Variants in ARHGEF28 observed in about 807,000 individuals in gnomAD.
The protein encoded by ARHGEF28 is Rho guanine nucleotide exchange factor 28.
In ARHGEF28, 152 loss-of-function variants were observed where a neutral mutation model predicts 206.6. The ratio of observed to expected loss-of-function variants is 0.74; its 90% CI spans 0.64 to 0.84. The LOEUF is 0.84. Among genes scored for constraint, ARHGEF28 ranks in the 40% least tolerant of loss-of-function variants. The pLI, the probability that ARHGEF28 is intolerant of heterozygous loss-of-function variation, is 0.00. For missense variants in ARHGEF28, 2,028 were observed against 2,073.2 expected (o/e 0.98, Z 0.42); for synonymous variants, 763 against 776.4 (o/e 0.98, Z 0.29).
intron 1 of ARHGEF28, among the ~76,000 whole-genome samples, chr5:73,627,709 A>G (rs1743093591): frequency 6.6e-6 from 1 of 152,204 alleles, no homozygotes. Context: ...TGTGGACTCT[A>G]TATGTGATTA....
chr5:73,937,335 C>CAA (rs10640514), intron 35 of ARHGEF28, among the ~76,000 whole-genome samples: 1,739 of 152,254 alleles, frequency 0.011, 34 homozygotes, highest in African/African-American at 0.039. Context: ...AGTTTGTGAA[C>CAA]AAAAGCTCAG....
At chr5:73,645,873 C>A (rs1041985856) in intron 1 of ARHGEF28, among the ~76,000 whole-genome samples, 2 of 151,882 alleles carry the variant, frequency 1.3e-5, no homozygotes, top group African/African-American at 4.8e-5. Flanking sequence ...CCCTCCTCCC[C>A]TTCCTCTTGG....
intron 2 of ARHGEF28, among the ~76,000 whole-genome samples, chr5:73,727,838 A>G (rs927956955): frequency 6.6e-6 from 1 of 152,182 alleles, no homozygotes; most frequent in African/African-American, 2.4e-5. Context: ...TGGCCAATGC[A>G]GAGGACCATG....
intron 2 of ARHGEF28, among the ~76,000 whole-genome samples, chr5:73,692,750 C>T (rs1267354524): frequency 1.3e-5 from 2 of 152,248 alleles, no homozygotes; most frequent in Non-Finnish European, 2.9e-5. Context: ...GACTCTTCCC[C>T]AGCTCAGGGA....
Position 73,755,569 on chromosome 5 carries a change from A to G in ARHGEF28, c.475+2367A>G, listed in dbSNP as rs549041688. Among the ~76,000 whole-genome samples, 10 of 152,296 alleles carry G rather than the reference A, an allele frequency of 6.6e-5. No homozygotes were observed. The South Asian group carries it at 1.7e-3, about 25-fold the overall frequency. On this transcript the variant is annotated intron_variant, in intron 4 of 35. Coordinates refer to ENST00000513042, the MANE Select transcript of ARHGEF28 (RefSeq NM_001177693.2). ...AATAGCTTAAACTAAGGGTCTCCAA[A>G]ATGGAATTCATGTTACCCGCATACT...
chr5:73,831,979 C>G (rs943937705), intron 9 of ARHGEF28, among the ~76,000 whole-genome samples: 1 of 152,046 alleles, frequency 6.6e-6, no homozygotes, highest in Admixed American at 6.5e-5. Flanking sequence ...GCGTGAGACA[C>G]CATGTCCGGC....
intron 1 of ARHGEF28, among the ~76,000 whole-genome samples, chr5:73,636,788 G>A (rs184046944): frequency 1.3e-5 from 2 of 152,162 alleles, no homozygotes; most frequent in African/African-American, 4.8e-5. Context: ...CAAGGGGCCA[G>A]GGTCAGACCA....
chr5:73,858,257 A>G, intron 16 of ARHGEF28, 38 bp downstream of exon 16: 7 of 1,531,604 alleles, frequency 4.6e-6, no homozygotes, highest in Admixed American at 2.3e-5. Context: ...CTTTGTTTTC[A>G]TCTCCTGACA....
At position 73,846,302 on chromosome 5, in the gene ARHGEF28, G is replaced by A; in HGVS notation, c.1462G>A (p.Gly488Arg). 2 of 1,613,710 alleles carry A rather than the reference G, an allele frequency of 1.2e-6. No homozygotes were observed. The highest frequency in any genetic ancestry group is 1.7e-6 in the Non-Finnish European group (2 of 1,179,734). ...TGATGCCTTGGACGCCGACAGTGAA[G>A]GGGAAGGGCATTCTGAGCCATCCCA... ...SLDALDADSEGEGHSEPSHIC... is the reference protein window; with the variant it reads ...SLDALDADSEREGHSEPSHIC... The change falls in exon 12 of 36, where the codon GGG becomes AGG. Residue 488 changes from glycine to arginine, a missense_variant. By Grantham distance (125) the Gly-to-Arg change is moderately radical. Coordinates refer to ENST00000513042, the MANE Select transcript of ARHGEF28 (RefSeq NM_001177693.2).
intron 2 of ARHGEF28, among the ~76,000 whole-genome samples, chr5:73,716,437 G>T (rs940141744): frequency 6.6e-6 from 1 of 152,190 alleles, no homozygotes; most frequent in Non-Finnish European, 1.5e-5. Context: ...TTTGACTTGA[G>T]TCAATTCAGA....
At chr5:73,910,422 C>T (rs574518026) in intron 34 of ARHGEF28, among the ~76,000 whole-genome samples, 154 of 142,656 alleles carry the variant, frequency 1.1e-3, no homozygotes, top group Non-Finnish European at 1.7e-3. Context: ...ATGTGAGGGC[C>T]CAAGTCCTAT....
chr5:73,892,344 T>C, intron 27 of ARHGEF28, 114 bp downstream of exon 27: 1 of 1,216,044 alleles, frequency 8.2e-7, no homozygotes, highest in Non-Finnish European at 1.1e-6. Flanking sequence ...GTCTGCCCCC[T>C]GCCCCCTGCA....
chr5:73,826,271 G>C (rs889975065), intron 9 of ARHGEF28, among the ~76,000 whole-genome samples: 2 of 152,152 alleles, frequency 1.3e-5, no homozygotes, highest in African/African-American at 4.8e-5. Context: ...CAGAGTGTTA[G>C]GAATTGAACT....
chr5:73,701,739 A>G (rs779609514), intron 2 of ARHGEF28, among the ~76,000 whole-genome samples: 8 of 152,168 alleles, frequency 5.3e-5, no homozygotes, highest in Non-Finnish European at 7.3e-5. Flanking sequence ...TGCCTTTTTA[A>G]TCACTCAGCA....
At position 73,870,081 on chromosome 5, in the gene ARHGEF28, C is replaced by T. The variant is rs769938527; in HGVS notation, c.2438C>T (p.Ser813Phe). The change falls in exon 21 of 36, where the codon TCT becomes TTT. Residue 813 changes from serine (S) to phenylalanine (F), a missense_variant. Ser to Phe is a radical substitution (Grantham distance 155). Transcript: ENST00000513042. ...ESFIMEDVVD[S>F]SLWSDLSSDA... ...AAACACACATTAGATGTTGTGGATT[C>T]TTCTCTGTGGAGTGACCTCAGCAGT... The T allele has an allele frequency of 1.9e-6, 3 of 1,613,158 alleles. No homozygotes were observed. The highest frequency in any genetic ancestry group is 4.5e-5 in the East Asian group (2 of 44,872).
chr5:73,825,498 A>G (rs62357749), intron 9 of ARHGEF28, among the ~76,000 whole-genome samples: 17,420 of 152,166 alleles, frequency 0.11, 1,056 homozygotes, highest in Non-Finnish European at 0.13. Flanking sequence ...ACTGTAGGTC[A>G]TGGAAAACTC....
At chr5:73,855,834 T>C (rs184853431) in intron 14 of ARHGEF28, among the ~76,000 whole-genome samples, 1 of 152,334 alleles carries the variant, frequency 6.6e-6, no homozygotes, top group Non-Finnish European at 1.5e-5. Context: ...CTGTCGTTTT[T>C]TATATAGTCT....
chr5:73,902,930 A>T (rs761283088), intron 31 of ARHGEF28: 1 of 152,308 alleles, frequency 6.6e-6, no homozygotes, highest in Non-Finnish European at 1.5e-5. Context: ...ATGGGCCACG[A>T]CAGAGCCAGA....
chr5:73,748,651 C>T (rs561747402), intron 2 of ARHGEF28, among the ~76,000 whole-genome samples: 6 of 152,202 alleles, frequency 3.9e-5, no homozygotes, highest in Admixed American at 2.0e-4. Flanking sequence ...GATATCTTGG[C>T]GAGCAGGTTT....
Sources: gnomAD v4.1 joint callset for allele counts (sites outside exome capture counted in the v4.1 genomes callset) on GRCh38, gnomAD v4.1.1 for gene constraint, MANE v1.5 for transcripts, NCBI Gene and HGNC (gene_info 2026-07-23, HGNC 2026-07-21) for gene names.